Variants in FAT3 observed in about 807,000 individuals in gnomAD.
FAT3 encodes FAT atypical cadherin 3.
FAT3 carries 95 observed loss-of-function variants against 310.2 expected under a neutral mutation model. That is an observed-to-expected ratio of 0.31 (90% CI 0.26 to 0.36). The LOEUF is 0.36. Among genes scored for constraint, FAT3 ranks in the 10% least tolerant of loss-of-function variants. The probability of loss-of-function intolerance (pLI) is 1.00; values close to 1 mark genes in which losing one functional copy is unlikely to be tolerated. For synonymous variants in FAT3, 2,314 were observed against 2,192.9 expected, an observed-to-expected ratio of 1.06 and a Z score of -1.54; for missense variants, 5,408 against 5,715.6, an observed-to-expected ratio of 0.95 and a Z score of 1.74.
chr11:92,891,141 T>A lies in FAT3; in HGVS notation c.*28T>A, dbSNP rs2136451405. 3.7e-6 allele frequency: 6 copies of A among 1,603,168 alleles called. No individual in the cohort carries two copies. The highest frequency in any genetic ancestry group is 5.1e-6 in the Non-Finnish European group (6 of 1,173,794). On this transcript the variant is annotated 3_prime_UTR_variant, in exon 28 of 28. Coordinates refer to ENST00000525166, the MANE Select transcript of FAT3 (RefSeq NM_001367949.2). ...ATCACATCTTGGGTACTTCACCCTG[T>A]TTGTTACAGAAAAGTGGAAGCAGAT...
At position 92,887,082 on chromosome 11, in the gene FAT3, C is replaced by T; in HGVS notation, c.13020C>T (p.Ser4340=). ...KGSNSEVQSL[S]SFQSDSGDDN... ...GCAACTCTGAAGTTCAGTCCCTCAGCTCCTTCCAGTCAGATTCTGGTGACG... is the reference window on the plus strand; with the variant it reads ...GCAACTCTGAAGTTCAGTCCCTCAGTTCCTTCCAGTCAGATTCTGGTGACG... Residue 4340 remains serine, a synonymous_variant, in exon 25 of 28, where the codon AGC becomes AGT. Coordinates refer to ENST00000525166, the MANE Select transcript of FAT3 (RefSeq NM_001367949.2). 6.2e-7 allele frequency: 1 copy of T among 1,611,738 alleles called. No homozygotes were observed. The highest frequency in any genetic ancestry group is 8.5e-7 in the Non-Finnish European group (1 of 1,179,166).
chr11:92,870,335 A>G (rs532973584), intron 22 of FAT3, among the ~76,000 whole-genome samples: 1 of 152,342 alleles, frequency 6.6e-6, no homozygotes, highest in East Asian at 1.9e-4. Context: ...GATCAGCATT[A>G]TAACTCTTGC....
intron 2 of FAT3, among the ~76,000 whole-genome samples, chr11:92,439,374 A>G (rs760436950): frequency 5.3e-5 from 8 of 152,134 alleles, no homozygotes; most frequent in Non-Finnish European, 1.2e-4. Flanking sequence ...AACTCTCCCT[A>G]TAAGATAAGA....
At chr11:92,773,276 G>A (rs920715571) in intron 6 of FAT3, among the ~76,000 whole-genome samples, 1 of 152,110 alleles carries the variant, frequency 6.6e-6, no homozygotes, top group Non-Finnish European at 1.5e-5. Context: ...AGTTATATGT[G>A]GCCAGGGGGT....
intron 1 of FAT3, among the ~76,000 whole-genome samples, chr11:92,261,023 CAG>C (rs1203701110): frequency 6.6e-6 from 1 of 151,924 alleles, no homozygotes; most frequent in African/African-American, 2.4e-5. Flanking sequence ...TATTATAGGG[CAG>C]AGTTATTGAA....
In FAT3 at chr11:92,352,635, A is replaced by G. The variant is rs767329962; in HGVS notation, c.523A>G (p.Thr175Ala). 1.2e-6 allele frequency: 2 copies of G among 1,613,828 alleles called. No individual in the cohort carries two copies. The highest frequency in any genetic ancestry group is 1.7e-6 in the Non-Finnish European group (2 of 1,179,856). Residue 175 changes from threonine to alanine, a missense_variant, in exon 2 of 28, where the codon ACT becomes GCT. By Grantham distance (58) the Thr-to-Ala change is moderately conservative. Around this residue, in one of 5 missense-constraint regions of FAT3, gnomAD observed 4,588 missense variants for 4,809.8 expected, o/e 0.95. Coordinates refer to ENST00000525166, the MANE Select transcript of FAT3 (RefSeq NM_001367949.2). ...VTIAESTPLR[T>A]SVAQVTATDA... ...CATAGCAGAAAGCACACCTCTAAGG[A>G]CTAGTGTTGCCCAGGTGACTGCAAC...
At chr11:92,421,535 T>C (rs1367090780) in intron 2 of FAT3, among the ~76,000 whole-genome samples, 1 of 152,220 alleles carries the variant, frequency 6.6e-6, no homozygotes, top group Non-Finnish European at 1.5e-5. Context: ...AATTGAGCAA[T>C]TGTGTGCTTA....
chr11:92,314,287 G>A, intron 1 of FAT3: 1 of 982,830 alleles, frequency 1.0e-6, no homozygotes, highest in Non-Finnish European at 1.2e-6. Context: ...AGGTTCAGAT[G>A]AGAACATGGA....
chr11:92,516,742 G>T (rs753196638), intron 2 of FAT3, among the ~76,000 whole-genome samples: 3 of 151,920 alleles, frequency 2.0e-5, no homozygotes, highest in Non-Finnish European at 4.4e-5. Flanking sequence ...AGAAAACCCC[G>T]TCGTCTCAGC....
chr11:92,809,778 C>G, intron 12 of FAT3, 65 bp from the exon 13 acceptor site: 1 of 1,273,656 alleles, frequency 7.9e-7, no homozygotes, highest in Non-Finnish European at 1.1e-6. Context: ...AATTGGTCCT[C>G]TGCTCTCCAA....
intron 4 of FAT3, among the ~76,000 whole-genome samples, chr11:92,715,952 T>A (rs933598291): frequency 1.3e-5 from 2 of 151,810 alleles, no homozygotes; most frequent in Non-Finnish European, 2.9e-5. Flanking sequence ...AGGAGGGAAA[T>A]TGAAGTAGTT....
intron 2 of FAT3, among the ~76,000 whole-genome samples, chr11:92,444,355 C>T (rs953407332): frequency 1.3e-5 from 2 of 151,736 alleles, no homozygotes; most frequent in Non-Finnish European, 2.9e-5. Context: ...ATCTGAACCC[C>T]GGTCTCCTAT....
At chr11:92,297,631 C>T (rs1371786454) in intron 1 of FAT3, among the ~76,000 whole-genome samples, 1 of 152,078 alleles carries the variant, frequency 6.6e-6, no homozygotes, top group Non-Finnish European at 1.5e-5. Context: ...CATTAATTTT[C>T]CCCTCCAAAT....
At chr11:92,742,533 G>A (rs964388925) in intron 4 of FAT3, among the ~76,000 whole-genome samples, 5 of 152,236 alleles carry the variant, frequency 3.3e-5, no homozygotes, top group African/African-American at 1.2e-4. Context: ...ATGCAACCAT[G>A]TCGGAGGTAG....
intron 27 of FAT3, 28 bp downstream of exon 27, chr11:92,889,919 T>C (rs1391756649): frequency 1.4e-6 from 1 of 717,966 alleles, no homozygotes; most frequent in South Asian, 1.5e-5. Flanking sequence ...CTAGCATAAC[T>C]TTTTGTGTGT....
At chr11:92,511,983 C>G (rs1458270746) in intron 2 of FAT3, among the ~76,000 whole-genome samples, 1 of 152,044 alleles carries the variant, frequency 6.6e-6, no homozygotes, top group South Asian at 2.1e-4. Flanking sequence ...CTTGGAATTG[C>G]CTTCTTTTTC....
rs142115242 is a variant in FAT3 at position 92,849,144 on chromosome 11, C to T, written c.11365+4412C>T. 8.4e-4 allele frequency among the ~76,000 whole-genome samples: 128 copies of T among 152,316 alleles called. 6 individuals carry two copies. In the East Asian group the frequency reaches 0.022, roughly 26 times the overall value. On this transcript the variant is annotated intron_variant, in intron 19 of 27. Transcript: ENST00000525166. ...ACCAAAACTTGGAAAGGTCAATTGA[C>T]TCACTCAGAATCACAGAGCTACAGA...
chr11:92,864,071 C>G (rs1041891224), intron 21 of FAT3, among the ~76,000 whole-genome samples: 1 of 152,116 alleles, frequency 6.6e-6, no homozygotes, highest in African/African-American at 2.4e-5. Flanking sequence ...CAAGCTTAAC[C>G]GTGCCGTGTT....
chr11:92,434,977 A>G (rs187118391), intron 2 of FAT3, among the ~76,000 whole-genome samples: 2 of 152,204 alleles, frequency 1.3e-5, no homozygotes, highest in Admixed American at 6.5e-5. Context: ...AAGACATGGG[A>G]TTTTATTAGG....
Sources: gnomAD v4.1 joint callset for allele counts (sites outside exome capture counted in the v4.1 genomes callset) on GRCh38, gnomAD v4.1.1 for gene constraint, gnomAD v4.1.1 regional missense constraint, MANE v1.5 for transcripts, NCBI Gene and HGNC (gene_info 2026-07-23, HGNC 2026-07-21) for gene names.